Variants in SOX6 observed in about 807,000 individuals in gnomAD.
SOX6 encodes SRY-box transcription factor 6.
A neutral mutation model predicts 97.8 loss-of-function variants in SOX6; 11 were observed. The observed-to-expected ratio is 0.11, with a 90% CI of 0.07 to 0.19. The LOEUF is 0.19. Among genes scored for constraint, SOX6 ranks in the 10% least tolerant of loss-of-function variants. SOX6 has a pLI of 1.00. For synonymous variants in SOX6, 360 were observed against 371.4 expected (o/e 0.97, Z 0.35); for missense variants, 810 against 1,039.5 (o/e 0.78, Z 3.04).
At chr11:16,574,912 C>T (rs187894420) in intron 4 of SOX6, among the ~76,000 whole-genome samples, 6 of 151,970 alleles carry the variant, frequency 3.9e-5, no homozygotes, top group East Asian at 1.9e-4. Flanking sequence ...TGGTGGCACA[C>T]GCCTGTAATC....
chr11:16,581,637 C>T (rs1848033100), intron 4 of SOX6, among the ~76,000 whole-genome samples: 1 of 151,930 alleles, frequency 6.6e-6, no homozygotes, highest in Admixed American at 6.6e-5. Context: ...GGTACATATA[C>T]CCCATGAAAT....
Position 16,125,855 on chromosome 11 carries a change from G to GCT in SOX6, c.778-13933_778-13932insAG, listed in dbSNP as rs1849596432. On this transcript the variant is annotated intron_variant, in intron 6 of 15. Transcript: ENST00000683767. Reference sequence around the variant, plus strand: ...GGAAGGAAGGAAGGAAGGAAGGAAGGAAGGAAGGAAGGAAGGAAGGAAAGT... The same window carrying GCT: ...GGAAGGAAGGAAGGAAGGAAGGAAGGCTAAGGAAGGAAGGAAGGAAGGAAAGT... 6.6e-5 allele frequency among the ~76,000 whole-genome samples: 10 copies of GCT among 151,236 alleles called. No homozygotes were observed. The Admixed American group carries it at 6.6e-4, about 10-fold the overall frequency.
rs564295125 is a variant in SOX6 at position 16,656,319 on chromosome 11, G to A, written n.430-44059C>T. 4.6e-5 allele frequency among the ~76,000 whole-genome samples: 7 copies of A among 152,054 alleles called. 1 individual carries two copies. Among genetic ancestry groups the A allele is most frequent in the South Asian group, 4.2e-4 (2 of 4,818 alleles). ...TCTCAATCTCCTGACCTCATGATCC[G>A]CCCACCTCGGCCTCCCAAAGTGCTG... On this transcript the variant is annotated intron_variant and non_coding_transcript_variant, in intron 3 of 5. Coordinates refer to the SOX6 transcript ENST00000524520.
chr11:16,256,210 A>C (rs1853678810), intron 3 of SOX6, among the ~76,000 whole-genome samples: 1 of 152,016 alleles, frequency 6.6e-6, no homozygotes, highest in Non-Finnish European at 1.5e-5. Context: ...TCAGGTCAGC[A>C]TTATCCTAAT....
intron 3 of SOX6, among the ~76,000 whole-genome samples, chr11:16,682,436 C>T (rs547575623): frequency 3.2e-4 from 48 of 152,308 alleles, no homozygotes; most frequent in East Asian, 2.3e-3. Context: ...GTTCAACATA[C>T]GCAAATCAAT....
chr11:16,491,955 C>G (rs1860516003), intron 4 of SOX6, among the ~76,000 whole-genome samples: 1 of 151,922 alleles, frequency 6.6e-6, no homozygotes, highest in Non-Finnish European at 1.5e-5. Context: ...CCATGAACAC[C>G]TTAAAGTTAT....
chr11:16,134,743 C>G (rs1011680507), intron 6 of SOX6, among the ~76,000 whole-genome samples: 1 of 152,322 alleles, frequency 6.6e-6, no homozygotes, highest in South Asian at 2.1e-4. Context: ...TGCGTTCAGG[C>G]TGCACCACTG....
intron 10 of SOX6, among the ~76,000 whole-genome samples, chr11:16,051,255 A>G (rs575444281): frequency 6.6e-6 from 1 of 152,294 alleles, no homozygotes; most frequent in South Asian, 2.1e-4. Context: ...AATGACTATG[A>G]GCCTGGCCAG....
chr11:16,103,126 A>G (rs1180081210), intron 7 of SOX6, among the ~76,000 whole-genome samples: 3 of 152,110 alleles, frequency 2.0e-5, no homozygotes, highest in Non-Finnish European at 4.4e-5. Flanking sequence ...CAATCTATAC[A>G]TCCAACAAAG....
At chr11:16,645,203 C>T (rs988813216) in intron 3 of SOX6, among the ~76,000 whole-genome samples, 2 of 152,072 alleles carry the variant, frequency 1.3e-5, no homozygotes, top group Admixed American at 6.6e-5. Flanking sequence ...TATCAAATGC[C>T]ACTAATAACA....
intron 1 of SOX6, among the ~76,000 whole-genome samples, chr11:16,342,912 T>A (rs1355787348): frequency 6.6e-6 from 1 of 151,842 alleles, no homozygotes; most frequent in Non-Finnish European, 1.5e-5. Flanking sequence ...ATCTATTAAA[T>A]TTGATACTAG....
intron 2 of SOX6, among the ~76,000 whole-genome samples, chr11:16,728,931 C>T (rs1417644658): frequency 2.6e-5 from 4 of 152,124 alleles, no homozygotes; most frequent in Non-Finnish European, 4.4e-5. Flanking sequence ...CTTCATGAAG[C>T]ATACACAAGT....
intron 12 of SOX6, among the ~76,000 whole-genome samples, chr11:16,024,379 C>T (rs1301940921): frequency 2.0e-5 from 3 of 151,864 alleles, no homozygotes; most frequent in Non-Finnish European, 2.9e-5. Flanking sequence ...GTGCTAGTTG[C>T]TTTCCAAAAT....
intron 12 of SOX6, chr11:16,023,406 C>G (rs1432507540): frequency 6.6e-6 from 1 of 152,092 alleles, no homozygotes; most frequent in Non-Finnish European, 1.5e-5. Context: ...GCTTCTCTTT[C>G]TTCTTCCATT....
At chr11:15,984,260 C>A (rs75981891) in intron 15 of SOX6, among the ~76,000 whole-genome samples, 6,986 of 152,118 alleles carry the variant, frequency 0.046, 578 homozygotes, top group East Asian at 0.39. Flanking sequence ...TTTTAATGTA[C>A]CCTTTAGTAA....
At chr11:16,419,180 A>G (rs1858981937) in intron 1 of SOX6, among the ~76,000 whole-genome samples, 1 of 152,166 alleles carries the variant, frequency 6.6e-6, no homozygotes, top group Non-Finnish European at 1.5e-5. Flanking sequence ...TCATAATGCT[A>G]CAACGATCTC....
intron 4 of SOX6, among the ~76,000 whole-genome samples, chr11:16,509,986 CTTTCA>C (rs1198402356): frequency 6.6e-6 from 1 of 152,054 alleles, no homozygotes; most frequent in Non-Finnish European, 1.5e-5. Flanking sequence ...ACGAATATCT[CTTTCA>C]TTTCAGTTAA....
intron 3 of SOX6, among the ~76,000 whole-genome samples, chr11:16,254,332 C>T (rs867592214): frequency 2.6e-5 from 4 of 151,754 alleles, no homozygotes; most frequent in Non-Finnish European, 5.9e-5. Flanking sequence ...TAAGTTTGTT[C>T]AAAATAATAG....
chr11:16,082,009 CTT>C (rs1286237643), intron 9 of SOX6, among the ~76,000 whole-genome samples: 1 of 152,184 alleles, frequency 6.6e-6, no homozygotes, highest in Admixed American at 6.5e-5. Flanking sequence ...TATGAATAGA[CTT>C]TCCTTTTTTA....
Sources: gnomAD v4.1 joint callset for allele counts (sites outside exome capture counted in the v4.1 genomes callset) on GRCh38, gnomAD v4.1.1 for gene constraint, MANE v1.5 for transcripts, NCBI Gene and HGNC (gene_info 2026-07-23, HGNC 2026-07-21) for gene names.